The following CASK variants were observed in gnomAD, a reference collection of about 807,000 sequenced individuals.
CASK encodes calcium/calmodulin dependent serine protein kinase.
Under a neutral mutation model 82.9 loss-of-function variants are expected in CASK, and 4 were observed. The ratio of observed to expected loss-of-function variants is 0.05; its 90% CI spans 0.02 to 0.11. The LOEUF is 0.11. Ranked by LOEUF, CASK falls within the 10% of genes least tolerant of loss-of-function variation. The pLI is 1.00. For synonymous variants in CASK, 259 were observed against 253.5 expected (o/e 1.02, Z -0.20); for missense variants, 358 against 720.9 (o/e 0.50, Z 5.76).
At chrX:41,649,822 C>T (rs181017472) in intron 8 of CASK, among the ~76,000 whole-genome samples, 94 of 111,004 alleles carry the variant, frequency 8.5e-4, no homozygotes, top group Non-Finnish European at 1.2e-3. Flanking sequence ...CTTTTTCTCT[C>T]GTTGATCTGT....
At chrX:41,797,146 G>T (rs1006239265) in intron 2 of CASK, among the ~76,000 whole-genome samples, 10 of 100,473 alleles carry the variant, frequency 1.0e-4, no homozygotes, top group African/African-American at 3.7e-4. Flanking sequence ...TTTAGCTCTT[G>T]TTTTTTTTTT....
At chrX:41,794,829 C>T (rs2069814390) in intron 2 of CASK, among the ~76,000 whole-genome samples, 2 of 112,466 alleles carry the variant, frequency 1.8e-5, no homozygotes, top group Admixed American at 1.9e-4. Flanking sequence ...CATACCTGTG[C>T]TTTATACTTT....
intron 3 of CASK, among the ~76,000 whole-genome samples, chrX:41,773,356 C>G (rs373896342): frequency 3.6e-5 from 3 of 84,236 alleles, no homozygotes; most frequent in African/African-American, 4.7e-5. Context: ...GCCTGGATGA[C>G]AGAATGAGAC....
At chrX:41,919,721 T>C (rs1404110481) in intron 1 of CASK, among the ~76,000 whole-genome samples, 2 of 112,128 alleles carry the variant, frequency 1.8e-5, no homozygotes, top group African/African-American at 3.2e-5. Context: ...GAAAATGTTA[T>C]AGAACCAACA....
At position 41,679,024 on chromosome X, in the gene CASK, A is replaced by G. The variant is rs73470576; in HGVS notation, c.430-7494T>C. On this transcript the variant is annotated intron_variant, in intron 5 of 26. Coordinates refer to ENST00000378163, the MANE Select transcript of CASK (RefSeq NM_001367721.1). ...GATCACTGGAGCCTGGGAGCTTAAGATTGCAGTGAACTGCAGTTGTGCCAC... is the reference window on the plus strand; with the variant it reads ...GATCACTGGAGCCTGGGAGCTTAAGGTTGCAGTGAACTGCAGTTGTGCCAC... Among the ~76,000 whole-genome samples, 941 of 110,539 alleles carry G rather than the reference A, an allele frequency of 8.5e-3. 8 individuals are homozygous for G. Among genetic ancestry groups the G allele is most frequent in the African/African-American group, 0.03 (907 of 30,365 alleles).
At chrX:41,677,487 A>G (rs1158711125) in intron 5 of CASK, among the ~76,000 whole-genome samples, 3 of 112,081 alleles carry the variant, frequency 2.7e-5, no homozygotes, top group African/African-American at 9.7e-5. Flanking sequence ...GTAGTCATCA[A>G]TGTTACAAAG....
At chrX:41,554,931 C>T (rs1367328055) in intron 20 of CASK, among the ~76,000 whole-genome samples, 1 of 111,931 alleles carries the variant, frequency 8.9e-6, no homozygotes, top group Admixed American at 9.5e-5. Context: ...TAAAACCAAC[C>T]TGAAGACTTT....
At chrX:41,691,559 T>C (rs1209754077) in intron 5 of CASK, among the ~76,000 whole-genome samples, 1 of 110,663 alleles carries the variant, frequency 9.0e-6, no homozygotes, top group Non-Finnish European at 1.9e-5. Context: ...GGCACTGTCA[T>C]TTAAGAGTTG....
chrX:41,523,848 A>C, intron 26 of CASK, 103 bp downstream of exon 26: 1 of 620,226 alleles, frequency 1.6e-6, no homozygotes. Context: ...CCATTTCATC[A>C]GAGCAGCCTT....
intron 3 of CASK, among the ~76,000 whole-genome samples, chrX:41,766,075 TAAA>T (rs891527604): frequency 1.7e-4 from 19 of 111,734 alleles, no homozygotes; most frequent in Non-Finnish European, 3.0e-4. Flanking sequence ...AAAATTGTAA[TAAA>T]AACTATGTAA....
intron 1 of CASK, among the ~76,000 whole-genome samples, chrX:41,903,337 T>C (rs1228156121): frequency 8.9e-6 from 1 of 111,956 alleles, no homozygotes; most frequent in Non-Finnish European, 1.9e-5. Context: ...ACTGTGCATT[T>C]AGGGTACTGA....
At chrX:41,735,444 C>T (rs2068478804) in intron 5 of CASK, among the ~76,000 whole-genome samples, 1 of 111,913 alleles carries the variant, frequency 8.9e-6, no homozygotes, top group Non-Finnish European at 1.9e-5. Context: ...TTTACAATGA[C>T]CACTATGTTG....
At chrX:41,783,183 T>C (rs939661649) in intron 3 of CASK, among the ~76,000 whole-genome samples, 1 of 111,923 alleles carries the variant, frequency 8.9e-6, no homozygotes, top group African/African-American at 3.2e-5. Flanking sequence ...CAACTTGTTC[T>C]TAGTTTTCTC....
intron 4 of CASK, chrX:41,743,431 C>T (rs922585549): frequency 3.9e-6 from 1 of 257,332 alleles, no homozygotes; most frequent in African/African-American, 2.8e-5. Flanking sequence ...GAGAACATTG[C>T]ACAAAAGAAA....
chrX:41,697,474 G>A (rs1317712741), intron 5 of CASK: 1 of 112,841 alleles, frequency 8.9e-6, no homozygotes, highest in African/African-American at 3.2e-5. Flanking sequence ...CATATTCTGT[G>A]ATCCAGCAAG....
At chrX:41,563,221 C>CT (rs1488638942) in intron 16 of CASK, among the ~76,000 whole-genome samples, 1 of 105,031 alleles carries the variant, frequency 9.5e-6, no homozygotes, top group Middle Eastern at 4.4e-3. Flanking sequence ...AAAAAATTAG[C>CT]TGAGTGTGGT....
At chrX:41,541,571 T>C (rs975066958) in intron 22 of CASK, among the ~76,000 whole-genome samples, 1 of 112,617 alleles carries the variant, frequency 8.9e-6, no homozygotes, top group African/African-American at 3.2e-5. Flanking sequence ...TGATTCCTTA[T>C]TTAACTGAGC....
intron 21 of CASK, chrX:41,552,481 C>T (rs1348062833): frequency 9.0e-6 from 1 of 111,293 alleles, no homozygotes; most frequent in African/African-American, 3.3e-5. Flanking sequence ...GGTCTGGAAT[C>T]TACACAATTA....
At position 41,912,822 on chromosome X, in the gene CASK, AAT is replaced by A. The variant is rs1036899799; in HGVS notation, c.59+10106_59+10107del. Among the ~76,000 whole-genome samples, 19 of 103,814 alleles carry A rather than the reference AAT, an allele frequency of 1.8e-4. No homozygotes were observed. In the East Asian group the frequency reaches 5.5e-3, roughly 30 times the overall value. The allele number at this position is 103,814 out of a possible 115,157, so 90.1% of individuals were successfully genotyped here. A position where few individuals can be genotyped will look rare whatever the true frequency, so the allele number is the denominator to read the frequency against. On this transcript the variant is annotated intron_variant, in intron 1 of 26. Transcript: ENST00000378163. ...TATATATATATAAAATATATATAAAAATATATATAATGTTATAATATACATAA... is the reference window on the plus strand; with the variant it reads ...TATATATATATAAAATATATATAAAAATATATAATGTTATAATATACATAA...
Sources: allele counts gnomAD v4.1 joint callset (sites outside exome capture counted in the v4.1 genomes callset), GRCh38; gene constraint gnomAD v4.1.1; transcripts MANE v1.5; gene names NCBI Gene and HGNC (gene_info 2026-07-23, HGNC 2026-07-21).